Variants in CADPS2 observed in about 807,000 individuals in gnomAD.
CADPS2 encodes calcium dependent secretion activator 2.
A neutral mutation model predicts 172.5 loss-of-function variants in CADPS2; 93 were observed. That is an observed-to-expected ratio of 0.54 (90% confidence interval 0.46 to 0.64). The LOEUF is 0.64. Among genes scored for constraint, CADPS2 ranks in the 30% least tolerant of loss-of-function variants. The pLI, the probability that CADPS2 is intolerant of heterozygous loss-of-function variation, is 0.00. For synonymous variants in CADPS2, 546 were observed against 555.2 expected (o/e 0.98, Z 0.23); for missense variants, 1,420 against 1,565.9 (o/e 0.91, Z 1.57).
At chr7:122,386,688 G>A (rs543058780) in intron 24 of CADPS2, among the ~76,000 whole-genome samples, 1 of 152,010 alleles carries the variant, frequency 6.6e-6, no homozygotes, top group South Asian at 2.1e-4. Flanking sequence ...GCAAACTCTG[G>A]ATACTCTAGA....
chr7:122,613,583 A>C (rs1186585981), intron 6 of CADPS2, among the ~76,000 whole-genome samples: 1 of 152,126 alleles, frequency 6.6e-6, no homozygotes, highest in Non-Finnish European at 1.5e-5. Context: ...ATTTATACGA[A>C]ATGTCCAGAA....
intron 8 of CADPS2, among the ~76,000 whole-genome samples, chr7:122,545,087 A>C (rs2063489943): frequency 6.6e-6 from 1 of 152,098 alleles, no homozygotes; most frequent in Non-Finnish European, 1.5e-5. Flanking sequence ...CTTCTGCCCC[A>C]CCTCCCATTC....
At chr7:122,735,794 T>C (rs1280516121) in intron 2 of CADPS2, among the ~76,000 whole-genome samples, 1 of 152,138 alleles carries the variant, frequency 6.6e-6, no homozygotes, top group Non-Finnish European at 1.5e-5. Flanking sequence ...ATTTCCTTCA[T>C]CCCAAATACA....
intron 2 of CADPS2, among the ~76,000 whole-genome samples, chr7:122,711,545 A>T (rs901591629): frequency 6.6e-6 from 1 of 152,160 alleles, no homozygotes; most frequent in Non-Finnish European, 1.5e-5. Context: ...AATGCCTTCT[A>T]TTTCTACCCC....
intron 2 of CADPS2, among the ~76,000 whole-genome samples, chr7:122,664,612 T>C (rs532652801): frequency 6.6e-6 from 1 of 152,202 alleles, no homozygotes; most frequent in Non-Finnish European, 1.5e-5. Flanking sequence ...ACTTCTGTTA[T>C]GCTGTCAATA....
At position 122,419,701 on chromosome 7, in the gene CADPS2, T is replaced by C. The variant is rs531600734; in HGVS notation, c.2477-3537A>G. The stretch of plus-strand genomic sequence containing the variant: ...TGAGGCAATCTATGCCTCCCATAAA[T>C]ATTGCACTTATATATTGCATTATAT... On this transcript the variant is annotated intron_variant, in intron 17 of 29. Coordinates refer to ENST00000449022, the MANE Select transcript of CADPS2 (RefSeq NM_017954.11). Among the ~76,000 whole-genome samples the C allele has an allele frequency of 2.6e-5, 4 of 152,270 alleles. No individual in the cohort carries two copies. In the South Asian group the frequency reaches 8.3e-4, roughly 32 times the overall value.
At chr7:122,349,910 G>A (rs1472576628) in intron 27 of CADPS2, among the ~76,000 whole-genome samples, 1 of 152,200 alleles carries the variant, frequency 6.6e-6, no homozygotes, top group Non-Finnish European at 1.5e-5. Context: ...AGACACAGAA[G>A]AAGCTGCTTA....
chr7:122,706,521 GGGTT>G (rs1286000430), intron 2 of CADPS2, among the ~76,000 whole-genome samples: 1 of 146,318 alleles, frequency 6.8e-6, no homozygotes, highest in Non-Finnish European at 1.5e-5. Flanking sequence ...CATATTACTA[GGGTT>G]GGTTCAACTG....
At chr7:122,795,393 C>T (rs926284103) in intron 1 of CADPS2, among the ~76,000 whole-genome samples, 2 of 152,044 alleles carry the variant, frequency 1.3e-5, no homozygotes, top group East Asian at 1.9e-4. Context: ...ATACACCCTC[C>T]CAAGACTCAA....
chr7:122,492,210 TAATTA>T (rs982419321), intron 9 of CADPS2, among the ~76,000 whole-genome samples: 2 of 151,806 alleles, frequency 1.3e-5, no homozygotes, highest in Non-Finnish European at 2.9e-5. Flanking sequence ...ATTAATTAAT[TAATTA>T]AATTAAATTA....
intron 1 of CADPS2, among the ~76,000 whole-genome samples, chr7:122,858,083 C>G (rs898622749): frequency 1.3e-5 from 2 of 152,124 alleles, no homozygotes; most frequent in Non-Finnish European, 2.9e-5. Context: ...AGGTTTTAGT[C>G]CCTTATTTGT....
Position 122,360,937 on chromosome 7 carries a change from G to T in CADPS2, c.3464C>A (p.Ser1155Ter). 6.2e-7 allele frequency: 1 copy of T among 1,613,534 alleles called. No homozygotes were observed. Among genetic ancestry groups the T allele is most frequent in the South Asian group, 1.1e-5 (1 of 90,996 alleles). Residue 1155 changes from serine to a stop codon, truncating the protein, a stop_gained, in exon 26 of 30, where the codon TCA (serine) becomes TAA (stop). Transcript: ENST00000449022. LOFTEE classifies it high-confidence loss of function. ...ACTCATTCAAATACTTACAGTGAAT[G>T]ACAGAATGGATGAAAAGAAAGTGCC... ...DEGTFFSSIL[S>*]FTVKAAAKYV... is the part of the protein sequence containing the mutation.
chr7:122,397,221 A>G (rs2045265578), intron 20 of CADPS2, among the ~76,000 whole-genome samples: 1 of 152,184 alleles, frequency 6.6e-6, no homozygotes. Context: ...GCAGAATTTA[A>G]AGAAAATGAA....
chr7:122,663,693 TG>T (rs1367863751), intron 2 of CADPS2, 124 bp from the exon 3 acceptor site: 1 of 702,588 alleles, frequency 1.4e-6, no homozygotes, highest in Non-Finnish European at 2.3e-6. Flanking sequence ...TACTCCACAA[TG>T]ATTCAAAATG....
intron 1 of CADPS2, among the ~76,000 whole-genome samples, chr7:122,873,129 C>T (rs1041268134): frequency 2.6e-5 from 4 of 151,990 alleles, no homozygotes; most frequent in Non-Finnish European, 4.4e-5. Flanking sequence ...CTTGGCATTT[C>T]GTTTTCCAGA....
intron 1 of CADPS2, among the ~76,000 whole-genome samples, chr7:122,746,798 G>C (rs1279111059): frequency 6.6e-6 from 1 of 151,990 alleles, no homozygotes; most frequent in Admixed American, 6.6e-5. Context: ...TTTGATTCTA[G>C]GTCTTCATTC....
intron 8 of CADPS2, among the ~76,000 whole-genome samples, chr7:122,528,967 C>A (rs1345414871): frequency 6.6e-6 from 1 of 152,054 alleles, no homozygotes; most frequent in African/African-American, 2.4e-5. Context: ...TTGAAAATTA[C>A]TTAATTCTAC....
At chr7:122,651,863 C>G (rs1001989605) in intron 3 of CADPS2, among the ~76,000 whole-genome samples, 4 of 152,146 alleles carry the variant, frequency 2.6e-5, no homozygotes, top group Admixed American at 6.6e-5. Context: ...AGATATGGTA[C>G]TATGTATCCC....
chr7:122,686,900 G>C (rs1451473372), intron 2 of CADPS2, among the ~76,000 whole-genome samples: 1 of 152,170 alleles, frequency 6.6e-6, no homozygotes, highest in Non-Finnish European at 1.5e-5. Context: ...GGCCAGGCTG[G>C]TCTCAAACTC....
Sources: allele counts gnomAD v4.1 joint callset (sites outside exome capture counted in the v4.1 genomes callset), GRCh38; gene constraint gnomAD v4.1.1; transcripts MANE v1.5; gene names NCBI Gene and HGNC (gene_info 2026-07-23, HGNC 2026-07-21).